PCDHA4: variants seen among roughly 807,000 people sequenced by gnomAD.
PCDHA4 encodes the protein protocadherin alpha-4.
In PCDHA4, 49 loss-of-function variants were observed where a neutral mutation model predicts 61.4. The ratio of observed to expected loss-of-function variants is 0.80; its 90% CI spans 0.63 to 1.01. PCDHA4 has a LOEUF of 1.01. PCDHA4 is among the 50% of genes least tolerant of loss of function. PCDHA4 has a pLI of 0.00. For synonymous variants in PCDHA4, 590 were observed against 550.3 expected (o/e 1.07, Z -1.01); for missense variants, 1,254 against 1,235.8 (o/e 1.01, Z -0.22).
At chr5:140,937,291 C>T (rs940890612) in intron 1 of PCDHA4, among the ~76,000 whole-genome samples, 1 of 152,104 alleles carries the variant, frequency 6.6e-6, no homozygotes, top group African/African-American at 2.4e-5. Flanking sequence ...CCCGCTTCGG[C>T]CTCCCAAAGT....
chr5:140,827,091 A>G (rs568618224), intron 1 of PCDHA4, among the ~76,000 whole-genome samples: 1 of 152,214 alleles, frequency 6.6e-6, no homozygotes, highest in Non-Finnish European at 1.5e-5. Flanking sequence ...ACTATTTTCT[A>G]GGAGTCAGCA....
intron 1 of PCDHA4, chr5:140,876,689 C>T: frequency 1.2e-6 from 2 of 1,614,228 alleles, no homozygotes; most frequent in Middle Eastern, 1.6e-4. Context: ...AATTACTACT[C>T]GTTGGTGCTG....
intron 1 of PCDHA4, chr5:140,821,619 T>G: frequency 5.8e-6 from 5 of 868,556 alleles, no homozygotes; most frequent in Non-Finnish European, 8.6e-6. Flanking sequence ...GAGTAGATTT[T>G]CCTTAGACAG....
intron 1 of PCDHA4, chr5:140,928,055 C>T (rs1554205406): frequency 8.1e-6 from 13 of 1,614,066 alleles, no homozygotes; most frequent in South Asian, 3.3e-5. Context: ...TTTCAGCTGA[C>T]GGCTTCCTTT....
chr5:140,812,066 G>A (rs1441798556), intron 1 of PCDHA4: 1 of 147,612 alleles, frequency 6.8e-6, no homozygotes, highest in African/African-American at 2.5e-5. Flanking sequence ...TTTTTTTTTG[G>A]AAGAGTTTGA....
At position 140,841,259 on chromosome 5, in the gene PCDHA4, G is replaced by T. The variant is rs1777115854; in HGVS notation, c.2385+31687G>T. 3.3e-6 allele frequency: 5 copies of T among 1,517,592 alleles called. No homozygotes were observed. In the South Asian group the frequency reaches 6.6e-5, roughly 20 times the overall value. 94.0% of individuals were successfully genotyped at this position (1,517,592 alleles called of 1,614,324 possible). ...CAGCGGAATTGGATTAAAAGACTCT[G>T]AAAGTACAGTCGTTCATCTTTATAT... On this transcript the variant is annotated intron_variant, in intron 1 of 3. Transcript: ENST00000530339.
intron 1 of PCDHA4, chr5:140,841,738 G>A (rs2150321831): frequency 1.9e-6 from 3 of 1,613,784 alleles, no homozygotes; most frequent in South Asian, 1.1e-5. Context: ...AAGACCAAAA[G>A]CTGTTTGTTT....
chr5:140,851,487 C>G (rs1273932978), intron 1 of PCDHA4: 3 of 888,978 alleles, frequency 3.4e-6, no homozygotes, highest in African/African-American at 1.8e-5. Context: ...TAAACACAGC[C>G]TTCATTTCAA....
At chr5:140,867,661 C>A (rs940517637) in intron 1 of PCDHA4, 30 of 152,196 alleles carry the variant, frequency 2.0e-4, no homozygotes, top group African/African-American at 6.7e-4. Flanking sequence ...AAATCACTTT[C>A]TACTCTAAAA....
At chr5:140,831,544 T>A (rs2150108470) in intron 1 of PCDHA4, among the ~76,000 whole-genome samples, 1 of 122,808 alleles carries the variant, frequency 8.1e-6, no homozygotes, top group Non-Finnish European at 1.7e-5. Flanking sequence ...TTTTTTTTTT[T>A]AAGAGATGGG....
At chr5:140,979,179 G>T in intron 2 of PCDHA4, 172 bp downstream of exon 2, 1 of 936,772 alleles carries the variant, frequency 1.1e-6, no homozygotes, top group Middle Eastern at 5.5e-4. Flanking sequence ...ATCGCAAATG[G>T]TCAGTGCCAG....
intron 1 of PCDHA4, chr5:140,824,193 C>T: frequency 1.2e-6 from 2 of 1,601,982 alleles, no homozygotes; most frequent in Non-Finnish European, 1.7e-6. Context: ...GTCACATTCA[C>T]CCACTTTTTT....
intron 1 of PCDHA4, among the ~76,000 whole-genome samples, chr5:140,839,342 G>A (rs1463316254): frequency 2.0e-5 from 3 of 150,644 alleles, no homozygotes; most frequent in East Asian, 3.9e-4. Flanking sequence ...GTTGATAGGG[G>A]ATCCTCCTTA....
chr5:140,876,660 G>A, intron 1 of PCDHA4: 1 of 1,614,216 alleles, frequency 6.2e-7, no homozygotes, highest in Non-Finnish European at 8.5e-7. Flanking sequence ...TTCCCTTCAA[G>A]CTGGTGTCCA....
Position 140,850,357 on chromosome 5 carries a change from C to T in PCDHA4, c.2385+40785C>T, listed in dbSNP as rs146638035. On this transcript the variant is annotated intron_variant, in intron 1 of 3. Coordinates refer to ENST00000530339, the MANE Select transcript of PCDHA4 (RefSeq NM_018907.4). ...CCAGAAACGGCCAGCGCGAGCATCC[C>T]GTTCCGCGTGGGGCTGTACACGGGC... 66 of 1,597,856 alleles carry T rather than the reference C, an allele frequency of 4.1e-5. 3 individuals carry two copies. The African/African-American group carries it at 6.2e-4, about 15-fold the overall frequency.
At chr5:140,886,651 C>T (rs1427441330) in intron 1 of PCDHA4, among the ~76,000 whole-genome samples, 4 of 151,902 alleles carry the variant, frequency 2.6e-5, no homozygotes, top group Non-Finnish European at 4.4e-5. Context: ...CATGGTGAAA[C>T]CCTGTCTCTA....
intron 1 of PCDHA4, among the ~76,000 whole-genome samples, chr5:140,897,735 C>G (rs2066294879): frequency 6.6e-6 from 1 of 152,160 alleles, no homozygotes; most frequent in Non-Finnish European, 1.5e-5. Flanking sequence ...AATAGTATTT[C>G]TAGTTCTAGA....
intron 1 of PCDHA4, chr5:140,861,357 G>A (rs560903391): frequency 3.0e-5 from 10 of 335,976 alleles, no homozygotes; most frequent in East Asian, 7.7e-5. Context: ...GGCACATAGC[G>A]TCTTCGCGGT....
chr5:140,869,508 C>G, intron 1 of PCDHA4: 1 of 1,614,196 alleles, frequency 6.2e-7, no homozygotes. Context: ...TGTTCTCGCT[C>G]AGAGAACAAA....
Sources: gnomAD v4.1 joint callset for allele counts (sites outside exome capture counted in the v4.1 genomes callset) on GRCh38, gnomAD v4.1.1 for gene constraint, MANE v1.5 for transcripts, NCBI Gene and HGNC (gene_info 2026-07-23, HGNC 2026-07-21) for gene names.